The following SPRTN variants were observed in gnomAD, a reference collection of about 807,000 sequenced individuals.
SPRTN encodes the protein DNA-dependent metalloprotease SPRTN.
Under a neutral mutation model 31.9 loss-of-function variants are expected in SPRTN, and 11 were observed. That is an observed-to-expected ratio of 0.34 (90% CI 0.22 to 0.57). SPRTN has a LOEUF of 0.57. Among genes scored for constraint, SPRTN ranks in the 20% least tolerant of loss-of-function variants. The pLI, the probability that SPRTN is intolerant of heterozygous loss-of-function variation, is 0.86. For missense variants in SPRTN, 482 were observed against 590.1 expected (o/e 0.82, Z 1.90); for synonymous variants, 185 against 212.1 (o/e 0.87, Z 1.11).
At position 231,338,591 on chromosome 1, in the gene SPRTN, G is replaced by A. The variant is rs772408336; in HGVS notation, c.208G>A (p.Val70Met). The A allele has an allele frequency of 3.1e-6, 5 of 1,614,216 alleles. No individual in the cohort carries two copies. The highest frequency in any genetic ancestry group is 1.7e-5 in the Admixed American group (1 of 60,038). ...GGAGGCCGTCGAGGTGAAGTGGAGC[G>A]TGCGAATGACCCTGTGAGTTCCGAG... is the stretch of plus-strand genomic sequence containing the variant. ...QLEAVEVKWS[V>M]RMTLCAGICS... is the part of the protein sequence containing the mutation. Residue 70 changes from valine (V) to methionine (M), a missense_variant, in exon 1 of 5, where the codon GTG becomes ATG. By Grantham distance (21) the Val-to-Met change is conservative. Coordinates refer to ENST00000295050, the MANE Select transcript of SPRTN (RefSeq NM_032018.7).
At chr1:231,347,684 C>T in intron 2 of SPRTN, 113 bp from the exon 3 acceptor site, 1 of 1,283,598 alleles carries the variant, frequency 7.8e-7, no homozygotes, top group South Asian at 1.6e-5. Context: ...TTTATCAGTT[C>T]TGAAGGAAGC....
rs377714192 is a variant in SPRTN at position 231,353,506 on chromosome 1, C to T, written c.*145C>T. 1.6e-5 allele frequency: 22 copies of T among 1,374,736 alleles called. No individual in the cohort carries two copies. The highest frequency in any genetic ancestry group is 1.0e-4 in the African/African-American group (7 of 68,208). 85.2% of individuals were successfully genotyped at this position (1,374,736 alleles called of 1,614,324 possible). A position where few individuals can be genotyped will look rare whatever the true frequency, so the allele number is the denominator to read the frequency against. On this transcript the variant is annotated 3_prime_UTR_variant, in exon 5 of 5. Transcript: ENST00000295050. ...TAGAAAGTGTCCTATTTTATATATA[C>T]GCATATAAGATTGTAATTTTAAGAT...
chr1:231,343,568 C>T (rs576429768), intron 2 of SPRTN, among the ~76,000 whole-genome samples: 1 of 152,280 alleles, frequency 6.6e-6, no homozygotes, highest in African/African-American at 2.4e-5. Flanking sequence ...ACCATCACCA[C>T]TCCTGCTGCT....
At position 231,345,814 on chromosome 1, in the gene SPRTN, G is replaced by T. The variant is rs1001131927; in HGVS notation, c.322-1983G>T. Among the ~76,000 whole-genome samples the T allele has an allele frequency of 5.9e-5, 9 of 152,076 alleles. 1 individual carries two copies. The highest frequency in any genetic ancestry group is 6.8e-3 in the Middle Eastern group (2 of 294). On this transcript the variant is annotated intron_variant, in intron 2 of 4. Coordinates refer to ENST00000295050, the MANE Select transcript of SPRTN (RefSeq NM_032018.7). The stretch of plus-strand genomic sequence containing the variant: ...AAATAACATCCTAGTGTAGTGTTGG[G>T]TTTTTGTGGGGGTTTTTTGTTTTTT...
intron 2 of SPRTN, among the ~76,000 whole-genome samples, chr1:231,343,085 C>A (rs1389152929): frequency 2.0e-5 from 3 of 152,078 alleles, no homozygotes; most frequent in African/African-American, 7.2e-5. Flanking sequence ...TTTAGTTGCA[C>A]AAATACTTAC....
chr1:231,353,196 G>A lies in SPRTN; in HGVS notation c.1305G>A (p.Lys435=). Residue 435 remains lysine, a synonymous_variant, in exon 5 of 5, where the codon AAG becomes AAA. Transcript: ENST00000295050. The part of the protein sequence containing the change: ...EQIKSSGNDP[K]YSTTTAQNSS... ...TAAAAAGCAGTGGTAATGATCCAAA[G>A]TATAGTACAACCACAGCTCAGAATT... 6.2e-7 allele frequency: 1 copy of A among 1,613,852 alleles called. No homozygotes were observed. The highest frequency in any genetic ancestry group is 8.5e-7 in the Non-Finnish European group (1 of 1,179,952).
rs947678790 is a variant in SPRTN, at chr1:231,349,581, A to T, written c.450+1656A>T. ...TTAGGAGAGGTTGTAAGGAGTGAACACTCCTTGCTTTTACAGGTTACATCC... is the reference window on the plus strand; with the variant it reads ...TTAGGAGAGGTTGTAAGGAGTGAACTCTCCTTGCTTTTACAGGTTACATCC... On this transcript the variant is annotated intron_variant, in intron 3 of 4. Transcript: ENST00000295050. Among the ~76,000 whole-genome samples the T allele has an allele frequency of 5.3e-5, 8 of 152,096 alleles. No individual in the cohort carries two copies. The Middle Eastern group carries it at 0.017, about 323-fold the overall frequency.
At chr1:231,342,485 C>A (rs977551343) in intron 2 of SPRTN, among the ~76,000 whole-genome samples, 1 of 151,972 alleles carries the variant, frequency 6.6e-6, no homozygotes, top group South Asian at 2.1e-4. Context: ...GGCTGGAGTG[C>A]AATGATATGA....
Position 231,352,903 on chromosome 1 carries a change from G to A in SPRTN, c.1012G>A (p.Ala338Thr), listed in dbSNP as rs373746734. ...LSNYFPRVSF[A>T]NQKAFRGVNG... is the part of the protein sequence containing the mutation. ...CAACTACTTTCCTAGAGTATCATTTGCCAACCAAAAGGCTTTCAGAGGTGT... is the reference window on the plus strand; with the variant it reads ...CAACTACTTTCCTAGAGTATCATTTACCAACCAAAAGGCTTTCAGAGGTGT... Residue 338 changes from alanine to threonine, a missense_variant, in exon 5 of 5, where the codon GCC (alanine) becomes ACC (threonine). Ala to Thr is a moderately conservative substitution (Grantham distance 58, BLOSUM62 0). Transcript: ENST00000295050. The A allele has an allele frequency of 3.1e-6, 5 of 1,613,964 alleles. No individual in the cohort carries two copies. The Admixed American group carries it at 6.7e-5, about 22-fold the overall frequency.
In SPRTN at chr1:231,338,343, C is replaced by T. The variant is rs373749581; in HGVS notation, c.-41C>T. 3.1e-6 allele frequency: 5 copies of T among 1,606,298 alleles called. No homozygotes were observed. The highest frequency in any genetic ancestry group is 2.7e-5 in the African/African-American group (2 of 74,858). On this transcript the variant is annotated 5_prime_UTR_variant, in exon 1 of 5. Coordinates refer to ENST00000295050, the MANE Select transcript of SPRTN (RefSeq NM_032018.7). ...TGGGGTCGCGGCGTAACTGGGGAGC[C>T]AGCCTGACGCCGGCGGACCCCGCCT...
At chr1:231,346,183 C>CTT (rs71583771) in intron 2 of SPRTN, among the ~76,000 whole-genome samples, 265 of 89,048 alleles carry the variant, frequency 3.0e-3, no homozygotes, top group African/African-American at 5.0e-3. Flanking sequence ...CTTTTCTTTT[C>CTT]TTTTTTTTTT....
chr1:231,354,696 C>G lies in SPRTN; in HGVS notation c.*1335C>G, dbSNP rs1467404645. On this transcript the variant is annotated 3_prime_UTR_variant, in exon 5 of 5. Transcript: ENST00000295050. ...TTGCTCTTGCATTTGTATGAATATA[C>G]TAGAATTTATTCATCCATTCTAATG... 6.6e-6 allele frequency: 1 copy of G among 152,436 alleles called. No homozygotes were observed. The highest frequency in any genetic ancestry group is 2.4e-5 in the African/African-American group (1 of 41,448). The allele number at this position is 152,436 out of a possible 1,614,324, so 9.4% of individuals were successfully genotyped here.
intron 2 of SPRTN, among the ~76,000 whole-genome samples, chr1:231,341,331 A>C (rs1558361760): frequency 6.9e-6 from 1 of 145,160 alleles, no homozygotes; most frequent in African/African-American, 2.5e-5. Context: ...AGTGTTTCAG[A>C]TTTTTTTTTT....
intron 3 of SPRTN, 63 bp from the exon 4 acceptor site, chr1:231,351,241 T>A: frequency 7.5e-7 from 1 of 1,335,666 alleles, no homozygotes; most frequent in Non-Finnish European, 9.7e-7. Flanking sequence ...ACTGCTTATG[T>A]AAATTGTTTT....
rs1687347819 is a variant in SPRTN, at chr1:231,354,934, G to C, written c.*1573G>C. On this transcript the variant is annotated 3_prime_UTR_variant, in exon 5 of 5. Coordinates refer to ENST00000295050, the MANE Select transcript of SPRTN (RefSeq NM_032018.7). ...TTCACCATTCATAACACTGTTAGCAGCCCTTTTCGTTTTAGACTGGTTGGC... is the reference window on the plus strand; with the variant it reads ...TTCACCATTCATAACACTGTTAGCACCCCTTTTCGTTTTAGACTGGTTGGC... 1.1e-6 allele frequency: 1 copy of C among 911,416 alleles called. No homozygotes were observed. The highest frequency in any genetic ancestry group is 1.3e-6 in the Non-Finnish European group (1 of 762,748). The allele number at this position is 911,416 out of a possible 1,614,324, so 56.5% of individuals were successfully genotyped here. A position where few individuals can be genotyped will look rare whatever the true frequency, so the allele number is the denominator to read the frequency against.
intron 4 of SPRTN, chr1:231,352,127 G>C (rs1687256998): frequency 1.0e-6 from 1 of 989,526 alleles, no homozygotes; most frequent in East Asian, 1.1e-4. Flanking sequence ...GTGAAGTTCA[G>C]AGTTACTGAA....
chr1:231,345,123 C>T (rs1424735017), intron 2 of SPRTN, among the ~76,000 whole-genome samples: 3 of 148,176 alleles, frequency 2.0e-5, no homozygotes, highest in Non-Finnish European at 3.0e-5. Flanking sequence ...CTTTTCTTTT[C>T]TTTCTTTCTT....
intron 1 of SPRTN, 136 bp from the exon 2 acceptor site, chr1:231,339,633 A>C: frequency 1.1e-6 from 1 of 916,398 alleles, no homozygotes; most frequent in Non-Finnish European, 1.8e-6. Context: ...GTGAAATGCA[A>C]GTATCTGCTA....
chr1:231,351,252 C>G lies in SPRTN; in HGVS notation c.451-52C>G, dbSNP rs1687221843. 21 of 1,292,900 alleles carry G rather than the reference C, an allele frequency of 1.6e-5. No homozygotes were observed. The East Asian group carries it at 6.0e-4, about 37-fold the overall frequency. The allele number at this position is 1,292,900 out of a possible 1,614,324, so 80.1% of individuals were successfully genotyped here. On this transcript the variant is annotated intron_variant, in intron 3 of 4. Transcript: ENST00000295050. ...AAAGACTGCTTATGTAAATTGTTTT[C>G]TTGCAGTTGTTAACTTGCTTATTGA... is the stretch of plus-strand genomic sequence containing the variant.
Sources: gnomAD v4.1 joint callset for allele counts (sites outside exome capture counted in the v4.1 genomes callset) on GRCh38, gnomAD v4.1.1 for gene constraint, MANE v1.5 for transcripts, NCBI Gene and HGNC (gene_info 2026-07-23, HGNC 2026-07-21) for gene names.